CACNA2D1: variants seen among roughly 807,000 people sequenced by gnomAD.
CACNA2D1 encodes the protein voltage-dependent calcium channel subunit alpha-2/delta-1.
A neutral mutation model predicts 171.5 loss-of-function variants in CACNA2D1; 53 were observed. The ratio of observed to expected loss-of-function variants is 0.31; its 90% CI spans 0.25 to 0.39. The LOEUF is 0.39. Ranked by LOEUF, CACNA2D1 falls within the 10% of genes least tolerant of loss-of-function variation. The pLI is 1.00. For synonymous variants in CACNA2D1, 442 were observed against 443.1 expected (o/e 1.00, Z 0.03); for missense variants, 903 against 1,299.8 (o/e 0.69, Z 4.69).
intron 3 of CACNA2D1, among the ~76,000 whole-genome samples, chr7:82,194,944 T>C (rs1291431654): frequency 6.6e-6 from 1 of 152,004 alleles, no homozygotes; most frequent in Non-Finnish European, 1.5e-5. Flanking sequence ...CAAGTAGTCA[T>C]ATGAAGATAA....
intron 10 of CACNA2D1, among the ~76,000 whole-genome samples, chr7:82,042,250 T>C (rs919002509): frequency 6.6e-6 from 1 of 152,212 alleles, no homozygotes; most frequent in African/African-American, 2.4e-5. Flanking sequence ...CATCAGCTTA[T>C]ATCGTATTAT....
Position 81,964,086 on chromosome 7 carries a change from T to G in CACNA2D1, c.2750A>C (p.Gln917Pro). The change falls in exon 34 of 39, where the codon CAA (glutamine) becomes CCA (proline). Residue 917 changes from glutamine (Q) to proline (P), a missense_variant. Physicochemically the swap from Gln to Pro is moderately conservative, Grantham distance 76 (BLOSUM62 -1). Around this residue, in one of 5 missense-constraint regions of CACNA2D1, gnomAD observed 623 missense variants for 925.5 expected, o/e 0.67. Coordinates refer to ENST00000356860, the MANE Select transcript of CACNA2D1 (RefSeq NM_000722.4). The part of the protein sequence containing the change: ...AYVPSVADIL[Q>P]IGWWATAAAW... ...AGCAGCAGTGGCCCACCAGCCAATT[T>G]GTAATATGTCTGCTACTGATGGCTA... 6.2e-7 allele frequency: 1 copy of G among 1,612,144 alleles called. No individual in the cohort carries two copies. The highest frequency in any genetic ancestry group is 2.2e-5 in the East Asian group (1 of 44,824).
chr7:82,017,520 C>G (rs540000134), intron 12 of CACNA2D1, among the ~76,000 whole-genome samples: 1 of 152,038 alleles, frequency 6.6e-6, no homozygotes, highest in Admixed American at 6.6e-5. Context: ...CTATTCCATA[C>G]TATGCTACTG....
chr7:81,959,661 A>G, intron 37 of CACNA2D1, 59 bp downstream of exon 37: 2 of 1,516,914 alleles, frequency 1.3e-6, no homozygotes. Context: ...CAATGTGACA[A>G]GATTCAAAAT....
chr7:82,321,793 A>G (rs28538538), intron 3 of CACNA2D1, among the ~76,000 whole-genome samples: 258 of 152,326 alleles, frequency 1.7e-3, no homozygotes, highest in African/African-American at 5.7e-3. Flanking sequence ...ACATGTTTCA[A>G]TTAGACAAGG....
chr7:82,195,503 G>A (rs991645849), intron 3 of CACNA2D1, among the ~76,000 whole-genome samples: 1 of 152,040 alleles, frequency 6.6e-6, no homozygotes, highest in East Asian at 1.9e-4. Context: ...TTTAAAGATC[G>A]TGCTTACTAT....
chr7:82,409,024 C>CTT (rs575034438), intron 1 of CACNA2D1, among the ~76,000 whole-genome samples: 3 of 146,192 alleles, frequency 2.1e-5, no homozygotes, highest in African/African-American at 7.5e-5. Context: ...AGTTGTCACT[C>CTT]TTTTTTTTTT....
rs543394354 is a variant in CACNA2D1 at position 82,005,730 on chromosome 7, T to C, written c.1515+35A>G. ...GCTAAGTTAGTACAGAGTTCTAAACTAGAAAGGGTATCAAAAGAGCAAATT... is the reference window on the plus strand; with the variant it reads ...GCTAAGTTAGTACAGAGTTCTAAACCAGAAAGGGTATCAAAAGAGCAAATT... On this transcript the variant is annotated intron_variant, in intron 17 of 38. Coordinates refer to ENST00000356860, the MANE Select transcript of CACNA2D1 (RefSeq NM_000722.4). The C allele has an allele frequency of 5.1e-6, 7 of 1,370,116 alleles. No homozygotes were observed. In the African/African-American group the frequency reaches 8.5e-5, roughly 17 times the overall value. 84.9% of individuals were successfully genotyped at this position (1,370,116 alleles called of 1,614,324 possible).
chr7:82,066,588 G>A (rs1807656652), intron 7 of CACNA2D1, 64 bp from the exon 8 acceptor site: 9 of 1,521,812 alleles, frequency 5.9e-6, no homozygotes, highest in Non-Finnish European at 7.9e-6. Flanking sequence ...AAAATAATGA[G>A]ACTTTAAAAA....
intron 1 of CACNA2D1, among the ~76,000 whole-genome samples, chr7:82,412,651 G>A (rs924463497): frequency 1.3e-5 from 2 of 151,748 alleles, no homozygotes; most frequent in African/African-American, 4.8e-5. Flanking sequence ...TCATTTGTTA[G>A]TCTCTTGGTA....
chr7:82,244,932 C>T (rs1273341797), intron 3 of CACNA2D1, among the ~76,000 whole-genome samples: 1 of 152,122 alleles, frequency 6.6e-6, no homozygotes, highest in Non-Finnish European at 1.5e-5. Context: ...AACACAACTA[C>T]TAGTATTATT....
intron 3 of CACNA2D1, among the ~76,000 whole-genome samples, chr7:82,196,000 AT>A (rs1798817378): frequency 6.6e-6 from 1 of 152,014 alleles, no homozygotes; most frequent in African/African-American, 2.4e-5. Context: ...TCACTGAGCA[AT>A]TGTGATTCCT....
intron 3 of CACNA2D1, among the ~76,000 whole-genome samples, chr7:82,279,978 T>C (rs1027103391): frequency 8.5e-5 from 13 of 152,244 alleles, no homozygotes; most frequent in African/African-American, 3.1e-4. Context: ...AAAAATGATA[T>C]AATTGCATGC....
intron 1 of CACNA2D1, among the ~76,000 whole-genome samples, chr7:82,381,800 C>A (rs139054761): frequency 2.2e-3 from 338 of 152,198 alleles, no homozygotes; most frequent in Non-Finnish European, 4.2e-3. Context: ...GAATAAAATT[C>A]TCAGGTCAAT....
At chr7:82,255,482 A>G (rs1217694802) in intron 3 of CACNA2D1, among the ~76,000 whole-genome samples, 4 of 152,232 alleles carry the variant, frequency 2.6e-5, no homozygotes, top group African/African-American at 9.6e-5. Context: ...TTGGTATACC[A>G]ACACAGTTGG....
In CACNA2D1 at chr7:82,389,151, T is replaced by C. The variant is rs1427610219; in HGVS notation, c.96-39502A>G. Among the ~76,000 whole-genome samples the C allele has an allele frequency of 2.2e-5, 3 of 135,330 alleles. No individual in the cohort carries two copies. The Admixed American group carries it at 2.5e-4, about 11-fold the overall frequency. The allele number at this position is 135,330 out of a possible 152,430, so 88.8% of individuals were successfully genotyped here. A position where few individuals can be genotyped will look rare whatever the true frequency, so the allele number is the denominator to read the frequency against. ...TAATTAGTATATATATATATATTTATATATATATATATATACACACACACA... is the reference window on the plus strand; with the variant it reads ...TAATTAGTATATATATATATATTTACATATATATATATATACACACACACA... On this transcript the variant is annotated intron_variant, in intron 1 of 38. Transcript: ENST00000356860.
At chr7:81,953,889 T>A (rs1174584552) in intron 38 of CACNA2D1, among the ~76,000 whole-genome samples, 1 of 152,180 alleles carries the variant, frequency 6.6e-6, no homozygotes, top group African/African-American at 2.4e-5. Context: ...TATTTTTATA[T>A]ATAATTTTTG....
intron 18 of CACNA2D1, among the ~76,000 whole-genome samples, chr7:81,997,664 TA>T (rs34518880): frequency 0.23 from 32,177 of 139,802 alleles, 4,258 homozygotes; most frequent in African/African-American, 0.39. Context: ...TTAAAATTTG[TA>T]AAAAAAAAAA....
intron 1 of CACNA2D1, among the ~76,000 whole-genome samples, chr7:82,421,515 T>C (rs1563530089): frequency 6.6e-6 from 1 of 152,064 alleles, no homozygotes; most frequent in Non-Finnish European, 1.5e-5. Context: ...GCTCAAATCA[T>C]GGGTGATACA....
Sources: allele counts gnomAD v4.1 joint callset (sites outside exome capture counted in the v4.1 genomes callset), GRCh38; gene constraint gnomAD v4.1.1; regional missense constraint gnomAD v4.1.1; transcripts MANE v1.5; gene names NCBI Gene and HGNC (gene_info 2026-07-23, HGNC 2026-07-21).